Variants in EPSTI1 observed in about 807,000 individuals in gnomAD.
EPSTI1 encodes epithelial-stromal interaction protein 1.
Under a neutral mutation model 49.9 loss-of-function variants are expected in EPSTI1, and 66 were observed. The ratio of observed to expected loss-of-function variants is 1.32; its 90% confidence interval spans 1.08 to 1.62. The LOEUF is 1.62. Among genes scored for constraint, EPSTI1 ranks in the 40% most tolerant of loss-of-function variants. The pLI is 0.00. For missense variants in EPSTI1, 394 were observed against 365.5 expected (o/e 1.08, Z -0.64); for synonymous variants, 137 against 130.7 (o/e 1.05, Z -0.33).
rs908788011 is a variant in EPSTI1 at position 42,886,965 on chromosome 13, A to G, written c.*1529T>C. On this transcript the variant is annotated 3_prime_UTR_variant, in exon 11 of 11. Transcript: ENST00000313624. ...GAAAATGCAGCAAGTGAGGCACACC[A>G]AGCATAGACGCAAAAATCGGAACAC... 4.2e-5 allele frequency: 6 copies of G among 142,832 alleles called. No individual in the cohort carries two copies. Among genetic ancestry groups the G allele is most frequent in the African/African-American group, 1.6e-4 (6 of 36,964 alleles). 8.8% of individuals were successfully genotyped at this position (142,832 alleles called of 1,614,324 possible).
intron 3 of EPSTI1, among the ~76,000 whole-genome samples, chr13:42,968,613 C>T (rs143083002): frequency 1.4e-4 from 21 of 152,270 alleles, no homozygotes; most frequent in African/African-American, 4.8e-4. Flanking sequence ...AGAATAAAAA[C>T]ACAGGTGATG....
intron 6 of EPSTI1, among the ~76,000 whole-genome samples, chr13:42,947,720 C>T (rs1363447667): frequency 6.6e-6 from 1 of 152,210 alleles, no homozygotes; most frequent in Non-Finnish European, 1.5e-5. Flanking sequence ...CTATGACGTA[C>T]ACAGATCTTC....
intron 8 of EPSTI1, among the ~76,000 whole-genome samples, chr13:42,909,817 G>A (rs1196707991): frequency 6.6e-6 from 1 of 152,066 alleles, no homozygotes; most frequent in South Asian, 2.1e-4. Context: ...ATTGGTCAAA[G>A]GATATGTAAT....
In EPSTI1 at chr13:42,917,619, T is replaced by A. The variant is rs746952721; in HGVS notation, c.663A>T (p.Arg221Ser). The A allele has an allele frequency of 3.7e-6, 4 of 1,070,912 alleles. No individual in the cohort carries two copies. The East Asian group carries it at 1.2e-4, about 31-fold the overall frequency. The allele number at this position is 1,070,912 out of a possible 1,614,324, so 66.3% of individuals were successfully genotyped here. Residue 221 changes from arginine to serine, a missense_variant, in exon 8 of 11, where the codon AGA (arginine) becomes AGT (serine). Arg to Ser is a moderately radical substitution (Grantham distance 110, BLOSUM62 -1). Transcript: ENST00000313624. ...VCGPQSSTWA[R>S]SWAYRDSLKA... ...TTAGAGAATCTCTGTAAGCCCAGCTTCTGGCCTGTAAAGGTACAAAGAGAA... is the reference window on the plus strand; with the variant it reads ...TTAGAGAATCTCTGTAAGCCCAGCTACTGGCCTGTAAAGGTACAAAGAGAA...
intron 6 of EPSTI1, among the ~76,000 whole-genome samples, chr13:42,937,160 G>T (rs1355131737): frequency 6.6e-6 from 1 of 152,066 alleles, no homozygotes; most frequent in Non-Finnish European, 1.5e-5. Context: ...TAGTCTCTTA[G>T]GTGTGCAATA....
intron 6 of EPSTI1, among the ~76,000 whole-genome samples, chr13:42,930,483 G>A (rs1033357365): frequency 1.3e-5 from 2 of 152,208 alleles, no homozygotes; most frequent in Non-Finnish European, 2.9e-5. Context: ...GTAAGAGAGT[G>A]AGAGATAATC....
At chr13:42,960,402 A>G (rs1317043065) in intron 5 of EPSTI1, among the ~76,000 whole-genome samples, 1 of 152,202 alleles carries the variant, frequency 6.6e-6, no homozygotes, top group African/African-American at 2.4e-5. Context: ...CTGTCTATTT[A>G]TACTGAAAGA....
At chr13:42,976,457 T>A (rs752744024) in intron 1 of EPSTI1, among the ~76,000 whole-genome samples, 15 of 152,206 alleles carry the variant, frequency 9.9e-5, no homozygotes, top group Non-Finnish European at 2.2e-4. Flanking sequence ...GGGACTCTCT[T>A]TTCCAGCAAG....
At chr13:42,910,705 A>G (rs980569494) in intron 8 of EPSTI1, among the ~76,000 whole-genome samples, 1 of 152,236 alleles carries the variant, frequency 6.6e-6, no homozygotes, top group African/African-American at 2.4e-5. Flanking sequence ...TGGTTAAAAA[A>G]TATCCAAACC....
chr13:42,963,174 A>T, intron 5 of EPSTI1, 81 bp downstream of exon 5: 1 of 1,134,064 alleles, frequency 8.8e-7, no homozygotes, highest in Non-Finnish European at 1.3e-6. Context: ...ATAAATTTTT[A>T]AAGTTACTAT....
At chr13:42,988,239 A>G (rs768096667) in intron 1 of EPSTI1, among the ~76,000 whole-genome samples, 3 of 152,172 alleles carry the variant, frequency 2.0e-5, no homozygotes, top group Non-Finnish European at 4.4e-5. Flanking sequence ...AATGTAAAAT[A>G]TTTACAAACA....
At position 42,888,592 on chromosome 13, in the gene EPSTI1, C is replaced by T. The variant is rs2036933857; in HGVS notation, c.916-90G>A. 3.7e-6 allele frequency: 5 copies of T among 1,335,612 alleles called. No homozygotes were observed. In the Admixed American group the frequency reaches 6.9e-5, roughly 18 times the overall value. The allele number at this position is 1,335,612 out of a possible 1,614,324, so 82.7% of individuals were successfully genotyped here. A position where few individuals can be genotyped will look rare whatever the true frequency, so the allele number is the denominator to read the frequency against. ...AAAAATGAAGTTCCTGCAAAGAACG[C>T]TCTTATGCATCAAGCTGAAATGACC... On this transcript the variant is annotated intron_variant, in intron 10 of 10. Coordinates refer to ENST00000313624, the MANE Select transcript of EPSTI1 (RefSeq NM_033255.5).
chr13:42,949,026 T>G (rs1002917201), intron 6 of EPSTI1, among the ~76,000 whole-genome samples: 4 of 152,176 alleles, frequency 2.6e-5, no homozygotes, highest in East Asian at 3.9e-4. Flanking sequence ...ATAGACGTCA[T>G]AGACTGCCCT....
intron 6 of EPSTI1, among the ~76,000 whole-genome samples, chr13:42,945,245 G>A (rs183988667): frequency 6.6e-6 from 1 of 152,292 alleles, no homozygotes; most frequent in Admixed American, 6.5e-5. Context: ...GTGGGTGCAG[G>A]GGAACCGCCC....
intron 8 of EPSTI1, 83 bp from the exon 9 acceptor site, chr13:42,900,466 C>G (rs780075707): frequency 1.7e-4 from 213 of 1,283,988 alleles, no homozygotes; most frequent in Non-Finnish European, 2.2e-4. Context: ...CATATTTAAA[C>G]CTCAACTGGT....
rs1352595819 is a variant in EPSTI1 at position 42,926,414 on chromosome 13, G to C, written c.579C>G (p.Phe193Leu). The change falls in exon 7 of 11, where the codon TTC (phenylalanine) becomes TTG (leucine). Residue 193 changes from phenylalanine to leucine, a missense_variant. Physicochemically the swap from Phe to Leu is conservative, Grantham distance 22. Transcript: ENST00000313624. ...GCGATTCTGTGTTCAGTTTGCTCAA[G>C]AACTCAGCGGTTTTGCTACCAGAAA... ...REHQQYKTAE[F>L]LSKLNTESPD... 6.2e-7 allele frequency: 1 copy of C among 1,612,378 alleles called. No homozygotes were observed. The highest frequency in any genetic ancestry group is 8.5e-7 in the Non-Finnish European group (1 of 1,178,400).
intron 9 of EPSTI1, among the ~76,000 whole-genome samples, chr13:42,899,268 T>C (rs1194172439): frequency 6.6e-6 from 1 of 151,890 alleles, no homozygotes; most frequent in Non-Finnish European, 1.5e-5. Flanking sequence ...GCCTACTTTA[T>C]AATAAATAAG....
At chr13:42,896,809 A>G (rs1303976008) in intron 9 of EPSTI1, among the ~76,000 whole-genome samples, 1 of 152,134 alleles carries the variant, frequency 6.6e-6, no homozygotes, top group Non-Finnish European at 1.5e-5. Context: ...CACTCACTAT[A>G]ATCCCATCAC....
intron 6 of EPSTI1, among the ~76,000 whole-genome samples, chr13:42,950,817 G>A (rs2039071978): frequency 6.6e-6 from 1 of 152,102 alleles, no homozygotes; most frequent in Non-Finnish European, 1.5e-5. Context: ...TGGGAGGTGG[G>A]GGTAGGCAGT....
Sources: gnomAD v4.1 joint callset for allele counts (sites outside exome capture counted in the v4.1 genomes callset) on GRCh38, gnomAD v4.1.1 for gene constraint, MANE v1.5 for transcripts, NCBI Gene and HGNC (gene_info 2026-07-23, HGNC 2026-07-21) for gene names.